HS6ST2: variants seen among roughly 807,000 people sequenced by gnomAD.
HS6ST2 encodes heparan-sulfate 6-O-sulfotransferase 2.
In HS6ST2, 17 loss-of-function variants were observed where a neutral mutation model predicts 33.0. The observed-to-expected ratio is 0.52, with a 90% CI of 0.35 to 0.77. HS6ST2 has a LOEUF of 0.77. HS6ST2 is among the 30% of genes least tolerant of loss of function. The pLI is 0.01. For missense variants in HS6ST2, 519 were observed against 551.7 expected (o/e 0.94, Z 0.59); for synonymous variants, 248 against 237.1 (o/e 1.05, Z -0.42).
intron 4 of HS6ST2, among the ~76,000 whole-genome samples, chrX:132,639,272 T>TTGG (rs2063584057): frequency 8.9e-6 from 1 of 111,997 alleles, no homozygotes; most frequent in African/African-American, 3.2e-5. Context: ...GCTGAGTTCT[T>TTGG]TAACAAGATG....
intron 2 of HS6ST2, among the ~76,000 whole-genome samples, chrX:132,790,700 C>A (rs1016870431): frequency 1.5e-4 from 17 of 112,104 alleles, no homozygotes; most frequent in African/African-American, 4.5e-4. Flanking sequence ...TGATGCTTTG[C>A]AACCAAAAAT....
chrX:132,842,824 G>T (rs1602739245), intron 2 of HS6ST2, among the ~76,000 whole-genome samples: 2 of 112,098 alleles, frequency 1.8e-5, no homozygotes, highest in Non-Finnish European at 3.8e-5. Flanking sequence ...GAACCAGAGG[G>T]GGATCTCTAG....
chrX:132,784,304 C>CTTGT lies in HS6ST2; in HGVS notation c.948-75814_948-75811dup, dbSNP rs763187044. 2.9e-3 allele frequency among the ~76,000 whole-genome samples: 317 copies of CTTGT among 110,736 alleles called. 4 individuals are homozygous for CTTGT. The highest frequency in any genetic ancestry group is 7.9e-3 in the African/African-American group (242 of 30,491). ...AACTGAGCCTCAATGTCTCTTTTTG[C>CTTGT]TTGTTTGTTTGTTTGTTTGTTTGTT... On this transcript the variant is annotated intron_variant, in intron 2 of 4. Coordinates refer to ENST00000370833, the MANE Select transcript of HS6ST2 (RefSeq NM_001394073.1).
chrX:132,835,655 G>A (rs181841471), intron 2 of HS6ST2, among the ~76,000 whole-genome samples: 2 of 112,362 alleles, frequency 1.8e-5, no homozygotes, highest in Non-Finnish European at 1.9e-5. Context: ...TTTAGGCCAC[G>A]CCTGTAATGC....
intron 2 of HS6ST2, among the ~76,000 whole-genome samples, chrX:132,819,616 C>T (rs942329496): frequency 4.5e-5 from 5 of 111,695 alleles, no homozygotes; most frequent in African/African-American, 1.6e-4. Flanking sequence ...AGACAAGGTT[C>T]CAAAACAGCA....
intron 2 of HS6ST2, among the ~76,000 whole-genome samples, chrX:132,953,100 C>T (rs895275376): frequency 1.8e-5 from 2 of 111,351 alleles, no homozygotes; most frequent in African/African-American, 6.5e-5. Context: ...ATTCCCTCTA[C>T]AGAACAAATG....
chrX:132,888,898 G>A (rs1483584309), intron 2 of HS6ST2, among the ~76,000 whole-genome samples: 1 of 111,061 alleles, frequency 9.0e-6, no homozygotes, highest in Non-Finnish European at 1.9e-5. Context: ...TTTGTACTTC[G>A]TGTGCCATTC....
chrX:132,893,163 T>A (rs2066333853), intron 2 of HS6ST2, among the ~76,000 whole-genome samples: 1 of 111,588 alleles, frequency 9.0e-6, no homozygotes, highest in African/African-American at 3.3e-5. Context: ...GGCAGTGAGA[T>A]GTGGTAGAAT....
rs867689038 is a variant in HS6ST2 at position 132,776,077 on chromosome X, A to T, written c.948-67583T>A. Among the ~76,000 whole-genome samples, 6 of 103,400 alleles carry T rather than the reference A, an allele frequency of 5.8e-5. No individual in the cohort carries two copies. In the South Asian group the frequency reaches 2.1e-3, roughly 36 times the overall value. 89.8% of individuals were successfully genotyped at this position (103,400 alleles called of 115,157 possible). Reference sequence around the variant, plus strand: ...ATGAAGTTTGACAAAATGAAAAAAAAGTTTTTTCCAGGTGCTTGCAACAAT... The same window carrying T: ...ATGAAGTTTGACAAAATGAAAAAAATGTTTTTTCCAGGTGCTTGCAACAAT... On this transcript the variant is annotated intron_variant, in intron 2 of 4. Transcript: ENST00000370833.
At chrX:132,737,688 G>T (rs1307475716) in intron 2 of HS6ST2, among the ~76,000 whole-genome samples, 1 of 112,343 alleles carries the variant, frequency 8.9e-6, no homozygotes, top group East Asian at 2.8e-4. Flanking sequence ...TCCATTCCGG[G>T]AAAACAGTCA....
intron 4 of HS6ST2, among the ~76,000 whole-genome samples, chrX:132,661,594 G>A (rs1569478563): frequency 8.9e-6 from 1 of 112,081 alleles, no homozygotes; most frequent in Non-Finnish European, 1.9e-5. Context: ...ACTCAATATT[G>A]TTAAGATGTC....
At chrX:132,951,340 C>T (rs1016788637) in intron 2 of HS6ST2, among the ~76,000 whole-genome samples, 6 of 111,051 alleles carry the variant, frequency 5.4e-5, no homozygotes, top group South Asian at 7.8e-4. Flanking sequence ...ATGAACCTTT[C>T]GGGTCTGGCC....
At chrX:132,809,762 C>T (rs1345401393) in intron 2 of HS6ST2, among the ~76,000 whole-genome samples, 1 of 111,808 alleles carries the variant, frequency 8.9e-6, no homozygotes, top group East Asian at 2.8e-4. Context: ...CATGAGCTTC[C>T]CCAGGACAAA....
At chrX:132,917,551 G>GACTGCACC (rs1243401783) in intron 2 of HS6ST2, among the ~76,000 whole-genome samples, 38 of 108,440 alleles carry the variant, frequency 3.5e-4, no homozygotes, top group Admixed American at 6.9e-4. Context: ...AGTGAGCAAA[G>GACTGCACC]ACTGCACCAC....
chrX:132,934,266 T>C (rs899032631), intron 2 of HS6ST2, among the ~76,000 whole-genome samples: 1 of 111,268 alleles, frequency 9.0e-6, no homozygotes, highest in Non-Finnish European at 1.9e-5. Context: ...AGTGAGGAAA[T>C]ACAAAATGGT....
chrX:132,800,921 C>G (rs1439821146), intron 2 of HS6ST2, among the ~76,000 whole-genome samples: 1 of 111,687 alleles, frequency 9.0e-6, no homozygotes, highest in African/African-American at 3.3e-5. Context: ...CCTTCACTTT[C>G]TTCTCTCACC....
chrX:132,666,615 A>G, intron 4 of HS6ST2, among the ~76,000 whole-genome samples: 1 of 111,296 alleles, frequency 9.0e-6, no homozygotes, highest in Middle Eastern at 4.6e-3. Flanking sequence ...TGCTTGGGAC[A>G]CAGGTTGGCC....
intron 2 of HS6ST2, among the ~76,000 whole-genome samples, chrX:132,715,795 G>A (rs2064268638): frequency 8.9e-6 from 1 of 112,559 alleles, no homozygotes; most frequent in Non-Finnish European, 1.9e-5. Flanking sequence ...CCAAGGATTT[G>A]AAATTCTTCT....
chrX:132,790,674 C>A (rs1569491286), intron 2 of HS6ST2, among the ~76,000 whole-genome samples: 1 of 112,102 alleles, frequency 8.9e-6, no homozygotes, highest in Admixed American at 9.5e-5. Flanking sequence ...GGCTCTCTTT[C>A]ATAATGTTTG....
Sources: allele counts gnomAD v4.1 joint callset (sites outside exome capture counted in the v4.1 genomes callset), GRCh38; gene constraint gnomAD v4.1.1; transcripts MANE v1.5; gene names NCBI Gene and HGNC (gene_info 2026-07-23, HGNC 2026-07-21).